FNDC3B: variants seen among roughly 807,000 people sequenced by gnomAD.
FNDC3B encodes fibronectin type III domain-containing protein 3B.
A neutral mutation model predicts 151.5 loss-of-function variants in FNDC3B; 12 were observed. The ratio of observed to expected loss-of-function variants is 0.08; its 90% CI spans 0.05 to 0.13. The LOEUF (loss-of-function observed/expected upper bound fraction) is 0.13. Ranked by LOEUF, FNDC3B falls within the 10% of genes least tolerant of loss-of-function variation. The probability of loss-of-function intolerance (pLI) is 1.00; values close to 1 mark genes in which losing one functional copy is unlikely to be tolerated. For synonymous variants in FNDC3B, 528 were observed against 549.0 expected (o/e 0.96, Z 0.54); for missense variants, 1,214 against 1,505.3 (o/e 0.81, Z 3.20).
At chr3:172,303,024 AT>A (rs1263447366) in intron 9 of FNDC3B, 9 of 152,112 alleles carry the variant, frequency 5.9e-5, no homozygotes, top group African/African-American at 1.9e-4. Context: ...TTATATATAT[AT>A]AAATATGTAA....
At chr3:172,172,871 A>G (rs1252453071) in intron 3 of FNDC3B, among the ~76,000 whole-genome samples, 1 of 152,216 alleles carries the variant, frequency 6.6e-6, no homozygotes, top group African/African-American at 2.4e-5. Flanking sequence ...CCTCAATGAA[A>G]GAATAAGGAA....
chr3:172,060,446 GA>G (rs1421108138), intron 1 of FNDC3B, among the ~76,000 whole-genome samples: 1 of 152,048 alleles, frequency 6.6e-6, no homozygotes, highest in Non-Finnish European at 1.5e-5. Context: ...CATGGTGAGA[GA>G]AAACCCTAAA....
chr3:172,393,308 G>A (rs900601087), intron 25 of FNDC3B, among the ~76,000 whole-genome samples: 2 of 152,064 alleles, frequency 1.3e-5, no homozygotes, highest in Non-Finnish European at 2.9e-5. Context: ...AATGATAAGA[G>A]CATCAATTCA....
At chr3:172,049,679 C>T (rs1204741235) in intron 1 of FNDC3B, among the ~76,000 whole-genome samples, 1 of 152,098 alleles carries the variant, frequency 6.6e-6, no homozygotes, top group East Asian at 1.9e-4. Flanking sequence ...AGGCATGCAC[C>T]ACCACCCCTG....
At chr3:172,373,782 C>G (rs371066170) in intron 23 of FNDC3B, among the ~76,000 whole-genome samples, 4 of 152,184 alleles carry the variant, frequency 2.6e-5, no homozygotes, top group South Asian at 4.2e-4. Context: ...ATCACTGGCC[C>G]CGAAGAAGGA....
chr3:172,350,824 CCAGA>C lies in FNDC3B; in HGVS notation c.2515-1974_2515-1971del, dbSNP rs759460026. On this transcript the variant is annotated intron_variant, in intron 21 of 25. Coordinates refer to ENST00000415807, the MANE Select transcript of FNDC3B (RefSeq NM_022763.4). ...TGAGCTGAGATTGCGCCACTGCACT[CCAGA>C]CAGAGACAGACCCTGTCTCAAAAAC... is the stretch of plus-strand genomic sequence containing the variant. Among the ~76,000 whole-genome samples, 15 of 152,200 alleles carry C rather than the reference CCAGA, an allele frequency of 9.9e-5. 3 individuals are homozygous for C. Among genetic ancestry groups the C allele is most frequent in the Admixed American group, 5.9e-4 (9 of 15,292 alleles).
chr3:172,069,118 T>G (rs1560392528), intron 1 of FNDC3B, among the ~76,000 whole-genome samples: 1 of 152,192 alleles, frequency 6.6e-6, no homozygotes, highest in Non-Finnish European at 1.5e-5. Flanking sequence ...TTCTTGTACT[T>G]CTGCTGCAAA....
chr3:172,115,066 T>C (rs1559972591), intron 2 of FNDC3B, among the ~76,000 whole-genome samples: 1 of 152,208 alleles, frequency 6.6e-6, no homozygotes, highest in Non-Finnish European at 1.5e-5. Context: ...AGATTTACCA[T>C]GCTTTGTCAT....
chr3:172,165,395 G>T (rs769039400), intron 3 of FNDC3B, among the ~76,000 whole-genome samples: 3 of 152,172 alleles, frequency 2.0e-5, no homozygotes, highest in African/African-American at 7.2e-5. Context: ...TTGATGGAGA[G>T]GGAGTAGTTT....
chr3:172,110,773 C>G (rs928414809), intron 1 of FNDC3B, among the ~76,000 whole-genome samples: 5 of 151,982 alleles, frequency 3.3e-5, no homozygotes, highest in Admixed American at 6.6e-5. Context: ...ACTCAGACCC[C>G]CTAATGTAAA....
intron 3 of FNDC3B, among the ~76,000 whole-genome samples, chr3:172,207,137 A>AT (rs1356647597): frequency 6.6e-6 from 1 of 151,924 alleles, no homozygotes; most frequent in Admixed American, 6.6e-5. Flanking sequence ...CATTACCTTA[A>AT]TTTTTTTATC....
chr3:172,120,206 A>G (rs1720464219), intron 2 of FNDC3B, among the ~76,000 whole-genome samples: 1 of 152,236 alleles, frequency 6.6e-6, no homozygotes. Flanking sequence ...GGCAATAATA[A>G]TAAGATATAA....
intron 1 of FNDC3B, among the ~76,000 whole-genome samples, chr3:172,088,282 G>A (rs921509688): frequency 5.9e-5 from 9 of 152,116 alleles, no homozygotes; most frequent in African/African-American, 2.2e-4. Context: ...ATATTAGAAG[G>A]GAATTTGCAG....
chr3:172,233,574 A>G (rs1261495109), intron 4 of FNDC3B, among the ~76,000 whole-genome samples: 2 of 152,208 alleles, frequency 1.3e-5, no homozygotes, highest in Non-Finnish European at 2.9e-5. Context: ...AAGCTGTGCA[A>G]TACTTTCCCC....
intron 25 of FNDC3B, among the ~76,000 whole-genome samples, chr3:172,383,468 T>C (rs1735556709): frequency 6.6e-6 from 1 of 152,218 alleles, no homozygotes. Context: ...TTTGTAGAAC[T>C]AATGGAAGGT....
chr3:172,192,660 A>C (rs1206128649), intron 3 of FNDC3B, among the ~76,000 whole-genome samples: 1 of 152,168 alleles, frequency 6.6e-6, no homozygotes, highest in African/African-American at 2.4e-5. Flanking sequence ...TGGTTCACTC[A>C]CATGTGTTTA....
At chr3:172,197,986 T>C (rs7643363) in intron 3 of FNDC3B, among the ~76,000 whole-genome samples, 117,388 of 152,114 alleles carry the variant, frequency 0.77, 46,363 homozygotes, top group Middle Eastern at 0.87. Context: ...CATCAGATTG[T>C]TGATTTATTC....
At chr3:172,097,869 C>T (rs1009368552) in intron 1 of FNDC3B, among the ~76,000 whole-genome samples, 2 of 152,166 alleles carry the variant, frequency 1.3e-5, no homozygotes, top group Non-Finnish European at 1.5e-5. Flanking sequence ...AGTAGACTTC[C>T]AGTAAATCCT....
At chr3:172,217,343 A>G (rs1560023020) in intron 3 of FNDC3B, among the ~76,000 whole-genome samples, 1 of 152,212 alleles carries the variant, frequency 6.6e-6, no homozygotes, top group South Asian at 2.1e-4. Flanking sequence ...ATGTTAGGTC[A>G]TCATGCCTGC....
Sources: gnomAD v4.1 joint callset for allele counts (sites outside exome capture counted in the v4.1 genomes callset) on GRCh38, gnomAD v4.1.1 for gene constraint, MANE v1.5 for transcripts, NCBI Gene and HGNC (gene_info 2026-07-23, HGNC 2026-07-21) for gene names.